The following PML variants were observed in gnomAD, a reference collection of about 807,000 sequenced individuals.
PML encodes protein PML.
PML carries 28 observed loss-of-function variants against 65.2 expected under a neutral mutation model. The observed-to-expected ratio is 0.43, with a 90% CI of 0.32 to 0.59. The LOEUF is 0.59. Ranked by LOEUF, PML falls within the 20% of genes least tolerant of loss-of-function variation. The pLI, the probability that PML is intolerant of heterozygous loss-of-function variation, is 0.08. For missense variants in PML, 1,021 were observed against 1,203.4 expected (o/e 0.85, Z 2.24); for synonymous variants, 500 against 508.8 (o/e 0.98, Z 0.23).
intron 4 of PML, 28 bp downstream of exon 4, chr15:74,024,955 T>C: frequency 2.6e-6 from 4 of 1,538,042 alleles, no homozygotes; most frequent in South Asian, 1.1e-5. Context: ...TCTGAAGGGG[T>C]GGTGGTGGGG....
intron 5 of PML, 30 bp downstream of exon 5, chr15:74,032,745 T>C (rs1216637481): frequency 1.2e-6 from 2 of 1,611,456 alleles, no homozygotes; most frequent in African/African-American, 2.7e-5. Context: ...CAGCCTTCCC[T>C]CCTGAAGGCC....
chr15:74,015,401 G>A (rs2070525000), intron 2 of PML, among the ~76,000 whole-genome samples: 1 of 152,228 alleles, frequency 6.6e-6, no homozygotes, highest in African/African-American at 2.4e-5. Flanking sequence ...CTCTACCAAA[G>A]TGAAAGTGCC....
At position 74,035,383 on chromosome 15, in the gene PML, A is replaced by G; in HGVS notation, c.1710+853A>G. On this transcript the variant is annotated intron_variant, in intron 7 of 8. Transcript: ENST00000268058. The surrounding 1 kb of genome is among the most constrained non-coding windows in gnomAD (Gnocchi z 4.1). ...ACCCCCGATGCTGAGCCTCACAGCGAGCCTCCTGATCACCAGGAGCGCCCT... is the reference window on the plus strand; with the variant it reads ...ACCCCCGATGCTGAGCCTCACAGCGGGCCTCCTGATCACCAGGAGCGCCCT... 6.2e-7 allele frequency: 1 copy of G among 1,611,864 alleles called. No homozygotes were observed. Among genetic ancestry groups the G allele is most frequent in the Non-Finnish European group, 8.5e-7 (1 of 1,179,960 alleles).
At chr15:74,020,367 G>A (rs1246842500) in intron 2 of PML, among the ~76,000 whole-genome samples, 1 of 138,096 alleles carries the variant, frequency 7.2e-6, no homozygotes, top group Non-Finnish European at 1.5e-5. Context: ...TTGGCTTACT[G>A]TAACCTCCAC....
chr15:74,024,181 T>C (rs2070971772), intron 3 of PML, among the ~76,000 whole-genome samples: 1 of 152,112 alleles, frequency 6.6e-6, no homozygotes, highest in Non-Finnish European at 1.5e-5. Context: ...TCTGAGCAGC[T>C]AGTATAGGAT....
chr15:74,007,116 C>G (rs914216896), intron 2 of PML, among the ~76,000 whole-genome samples: 1 of 152,210 alleles, frequency 6.6e-6, no homozygotes, highest in African/African-American at 2.4e-5. Flanking sequence ...ATCTTCGTGG[C>G]TGTAAAACTT....
Position 74,044,484 on chromosome 15 carries a change from G to C in PML, c.2125G>C (p.Ala709Pro). The C allele has an allele frequency of 6.2e-7, 1 of 1,614,042 alleles. No homozygotes were observed. The highest frequency in any genetic ancestry group is 2.2e-5 in the East Asian group (1 of 44,884). The change falls in exon 9 of 9, where the codon GCT (alanine) becomes CCT (proline). Residue 709 changes from alanine to proline, a missense_variant. By Grantham distance (27) the Ala-to-Pro change is conservative (BLOSUM62 -1). Coordinates refer to ENST00000268058, the MANE Select transcript of PML (RefSeq NM_033238.3). ...CCAGGAGGCCATCTCGGGCTTCCTGGCTGCCCTGCCTCTCATCCGGGAGCG... is the reference window on the plus strand; with the variant it reads ...CCAGGAGGCCATCTCGGGCTTCCTGCCTGCCCTGCCTCTCATCCGGGAGCG... Reference protein sequence around the residue: ...EFQEAISGFLAALPLIRERVP... With the variant: ...EFQEAISGFLPALPLIRERVP...
intron 6 of PML, 180 bp downstream of exon 6, chr15:74,033,594 T>C (rs897483645): frequency 4.0e-6 from 3 of 756,008 alleles, no homozygotes; most frequent in Admixed American, 2.0e-5. Flanking sequence ...CAGTTTACCA[T>C]GTGTTTTGCC....
chr15:74,007,736 A>C (rs1194236177), intron 2 of PML, among the ~76,000 whole-genome samples: 2 of 152,106 alleles, frequency 1.3e-5, no homozygotes, highest in Admixed American at 6.5e-5. Flanking sequence ...ATGCCTGTGG[A>C]GTCCATTTTT....
chr15:74,028,116 G>C (rs2071162219), intron 4 of PML: 1 of 152,224 alleles, frequency 6.6e-6, no homozygotes, highest in African/African-American at 2.4e-5. Flanking sequence ...CAGCAGCTCA[G>C]ATATTTTCCC....
Position 74,035,080 on chromosome 15 carries a change from G to T in PML, c.1710+550G>T. On this transcript the variant is annotated intron_variant, in intron 7 of 8. Coordinates refer to ENST00000268058, the MANE Select transcript of PML (RefSeq NM_033238.3). The surrounding 1 kb of genome is among the most constrained non-coding windows in gnomAD (Gnocchi z 4.1). ...TAGAGGCTGGACTATCACCTGTCCA[G>T]GGGAAAAGGGGATCTGAATAGAGTG... The T allele has an allele frequency of 8.1e-7, 1 of 1,230,976 alleles. No individual in the cohort carries two copies. The allele number at this position is 1,230,976 out of a possible 1,614,324, so 76.3% of individuals were successfully genotyped here.
At chr15:74,013,001 A>G (rs2070403605) in intron 2 of PML, among the ~76,000 whole-genome samples, 1 of 152,134 alleles carries the variant, frequency 6.6e-6, no homozygotes, top group Non-Finnish European at 1.5e-5. Flanking sequence ...CCAGCATCAA[A>G]TGTTCATTAG....
intron 2 of PML, among the ~76,000 whole-genome samples, chr15:74,012,933 A>G (rs1363690474): frequency 2.0e-5 from 3 of 152,180 alleles, no homozygotes; most frequent in Admixed American, 6.5e-5. Flanking sequence ...TCGGCTGGGT[A>G]TAATATTCTT....
At chr15:74,022,360 T>C (rs747295755) in intron 2 of PML, among the ~76,000 whole-genome samples, 1 of 152,216 alleles carries the variant, frequency 6.6e-6, no homozygotes, top group Admixed American at 6.5e-5. Flanking sequence ...CTGGGAAATA[T>C]GTATAACGAC....
Position 74,042,183 on chromosome 15 carries a change from C to T in PML, c.1711-806C>T, listed in dbSNP as rs2071711254. ...GCTCCCCACCCCATGGCTTCTCGAA[C>T]AGTGTTCCCACCAGGACCTTGGGAC... On this transcript the variant is annotated intron_variant, in intron 7 of 8. Coordinates refer to ENST00000268058, the MANE Select transcript of PML (RefSeq NM_033238.3). The surrounding 1 kb of genome is among the most constrained non-coding windows in gnomAD (Gnocchi z 5.3). 6.6e-6 allele frequency among the ~76,000 whole-genome samples: 1 copy of T among 152,250 alleles called. No individual in the cohort carries two copies. The highest frequency in any genetic ancestry group is 1.5e-5 in the Non-Finnish European group (1 of 68,038).
rs1422344468 is a variant in PML, at chr15:74,022,853, C to T, written c.628C>T (p.Pro210Ser). ...TSIYCRGCSK[P>S]LCCSCALLDS... is the part of the protein sequence containing the mutation. ...CATCTACTGCCGAGGATGTTCCAAGCCGCTGTGCTGCTCGTGCGCGCTCCT... is the reference window on the plus strand; with the variant it reads ...CATCTACTGCCGAGGATGTTCCAAGTCGCTGTGCTGCTCGTGCGCGCTCCT... The change falls in exon 3 of 9, where the codon CCG (proline) becomes TCG (serine). Residue 210 changes from proline (P) to serine (S), a missense_variant. Transcript: ENST00000268058. The T allele has an allele frequency of 3.1e-6, 5 of 1,613,918 alleles. No homozygotes were observed. The highest frequency in any genetic ancestry group is 2.2e-5 in the South Asian group (2 of 91,048).
chr15:74,038,584 T>C (rs1302906146), intron 7 of PML, among the ~76,000 whole-genome samples: 1 of 152,136 alleles, frequency 6.6e-6, no homozygotes, highest in East Asian at 1.9e-4. Context: ...CTCACCCAAC[T>C]TCTGGGCCCT....
rs543386605 is a variant in PML at position 74,008,104 on chromosome 15, G to A, written c.602+9628G>A. Among the ~76,000 whole-genome samples the A allele has an allele frequency of 3.3e-5, 5 of 152,296 alleles. No individual in the cohort carries two copies. In the East Asian group the frequency reaches 9.7e-4, roughly 29 times the overall value. On this transcript the variant is annotated intron_variant, in intron 2 of 8. Coordinates refer to ENST00000268058, the MANE Select transcript of PML (RefSeq NM_033238.3). ...CACTTACCCTGCTGGGATCAGCTGG[G>A]GAAGGTGGCTTCCAAGAGGCCATCA...
chr15:74,021,269 C>A (rs1035672536), intron 2 of PML, among the ~76,000 whole-genome samples: 1 of 152,102 alleles, frequency 6.6e-6, no homozygotes, highest in Non-Finnish European at 1.5e-5. Context: ...ACAATAAATG[C>A]TATGGAAGTA....
Sources: allele counts gnomAD v4.1 joint callset (sites outside exome capture counted in the v4.1 genomes callset), GRCh38; gene constraint gnomAD v4.1.1; non-coding constraint Gnocchi (gnomAD v3.1); transcripts MANE v1.5; gene names NCBI Gene and HGNC (gene_info 2026-07-23, HGNC 2026-07-21).